The following SH3RF2 variants were observed in gnomAD, a reference collection of about 807,000 sequenced individuals.
SH3RF2 encodes the protein E3 ubiquitin-protein ligase SH3RF2.
In SH3RF2, 43 loss-of-function variants were observed where a neutral mutation model predicts 59.0. The ratio of observed to expected loss-of-function variants is 0.73; its 90% CI spans 0.57 to 0.94. SH3RF2 has a LOEUF of 0.94. SH3RF2 is among the 40% of genes least tolerant of loss of function. The pLI is 0.00. For synonymous variants in SH3RF2, 391 were observed against 391.5 expected, an observed-to-expected ratio of 1.00 and a Z score of 0.01; for missense variants, 930 against 940.1, an observed-to-expected ratio of 0.99 and a Z score of 0.14.
rs367573674 is a variant in SH3RF2, at chr5:146,049,228, C to T, written c.1305C>T (p.Tyr435=). 20 of 1,610,838 alleles carry T rather than the reference C, an allele frequency of 1.2e-5. No homozygotes were observed. Among genetic ancestry groups the T allele is most frequent in the East Asian group, 2.2e-5 (1 of 44,850 alleles). Residue 435 remains tyrosine (Y), a synonymous_variant, in exon 7 of 10, where the codon TAC becomes TAT. Coordinates refer to ENST00000359120, the MANE Select transcript of SH3RF2 (RefSeq NM_152550.4). ...TGRVGIFPNN[Y]VIPIFRKTSS... is the part of the protein sequence containing the mutation. ...GAGTCGGCATCTTCCCAAACAATTACGTCATCCCCATTTTCAGGTGTGTCG... is the reference window on the plus strand; with the variant it reads ...GAGTCGGCATCTTCCCAAACAATTATGTCATCCCCATTTTCAGGTGTGTCG...
chr5:145,943,924 A>G (rs1561702541), intron 2 of SH3RF2, among the ~76,000 whole-genome samples: 2 of 152,158 alleles, frequency 1.3e-5, no homozygotes, highest in South Asian at 4.1e-4. Context: ...ATTTCCCCTT[A>G]GGAAAAGTTG....
Position 146,047,854 on chromosome 5 carries a change from C to T in SH3RF2, c.1142C>T (p.Ser381Leu), listed in dbSNP as rs1432802258. 1 of 1,614,068 alleles carries T rather than the reference C, an allele frequency of 6.2e-7. No homozygotes were observed. Among genetic ancestry groups the T allele is most frequent in the Non-Finnish European group, 8.5e-7 (1 of 1,180,024 alleles). The change falls in exon 6 of 10, where the codon TCA becomes TTA. Residue 381 changes from serine to leucine, a missense_variant. Ser to Leu is a moderately radical substitution (Grantham distance 145). Coordinates refer to ENST00000359120, the MANE Select transcript of SH3RF2 (RefSeq NM_152550.4). ...CTGCCTGGCTCCCAGCAACACCTCT[C>T]AGCGAACATGTGAGTAAAAGGCTCA... is the stretch of plus-strand genomic sequence containing the variant. ...VSLPGSQQHL[S>L]ANMFVALHSY... is the part of the protein sequence containing the mutation.
intron 8 of SH3RF2, among the ~76,000 whole-genome samples, chr5:146,057,984 C>CTATATATATATATATATATA (rs751628879): frequency 2.7e-5 from 4 of 145,742 alleles, no homozygotes; most frequent in Admixed American, 2.0e-4. Context: ...ATCTATCTAT[C>CTATATATATATATATATATA]TATATATATA....
chr5:145,985,473 C>G (rs910127397), intron 2 of SH3RF2, among the ~76,000 whole-genome samples: 1 of 152,166 alleles, frequency 6.6e-6, no homozygotes, highest in Non-Finnish European at 1.5e-5. Context: ...ATTCCTCACA[C>G]GACAGCCTAT....
chr5:146,068,264 C>T (rs1393897159), downstream of SH3RF2, among the ~76,000 whole-genome samples: 1 of 152,228 alleles, frequency 6.6e-6, no homozygotes, highest in Non-Finnish European at 1.5e-5. Context: ...TTCTCACCCA[C>T]GTCTGACCAC....
chr5:145,971,228 ACT>A (rs1759069416), intron 2 of SH3RF2, among the ~76,000 whole-genome samples: 1 of 152,000 alleles, frequency 6.6e-6, no homozygotes, highest in African/African-American at 2.4e-5. Context: ...GGGCTTGGAA[ACT>A]CTTCCTACCT....
intron 2 of SH3RF2, among the ~76,000 whole-genome samples, chr5:145,957,394 C>T (rs572071413): frequency 5.3e-5 from 8 of 152,004 alleles, no homozygotes; most frequent in East Asian, 1.9e-4. Flanking sequence ...TGCAGAGAAG[C>T]GGATGAATTT....
chr5:146,064,274 GAC>G (rs1338903530), downstream of SH3RF2, among the ~76,000 whole-genome samples: 2 of 152,082 alleles, frequency 1.3e-5, no homozygotes, highest in East Asian at 3.9e-4. Context: ...TACATTCCCT[GAC>G]AGGGTGAGGA....
chr5:146,030,368 T>C (rs1761699023), intron 5 of SH3RF2, among the ~76,000 whole-genome samples: 1 of 152,186 alleles, frequency 6.6e-6, no homozygotes, highest in Admixed American at 6.5e-5. Context: ...CCTAAACAGA[T>C]TTGAACCAGA....
rs1256790185 is a variant in SH3RF2 at position 146,010,069 on chromosome 5, C to A, written c.745-3678C>A. ...ACAGGCCCCAGTGTGTGATGTTCCC[C>A]TTCCTGTGTCCAAGTGTTCTCATTG... On this transcript the variant is annotated intron_variant, in intron 4 of 9. Transcript: ENST00000359120. Among the ~76,000 whole-genome samples the A allele has an allele frequency of 9.9e-5, 15 of 152,162 alleles. 3 individuals carry two copies. The highest frequency in any genetic ancestry group is 3.6e-4 in the African/African-American group (15 of 41,508).
Position 145,954,823 on chromosome 5 carries a change from A to G in SH3RF2, c.378+16517A>G, listed in dbSNP as rs945141628. Among the ~76,000 whole-genome samples, 11 of 152,178 alleles carry G rather than the reference A, an allele frequency of 7.2e-5. No homozygotes were observed. In the East Asian group the frequency reaches 1.9e-3, roughly 27 times the overall value. On this transcript the variant is annotated intron_variant, in intron 2 of 9. Coordinates refer to ENST00000359120, the MANE Select transcript of SH3RF2 (RefSeq NM_152550.4). ...GAAGCTTACAATCATGGCAGAAGGCAAAGTAGGAACAGACATGTCACATAG... is the reference window on the plus strand; with the variant it reads ...GAAGCTTACAATCATGGCAGAAGGCGAAGTAGGAACAGACATGTCACATAG...
intron 4 of SH3RF2, among the ~76,000 whole-genome samples, chr5:146,008,430 C>T (rs1157075704): frequency 6.6e-6 from 1 of 152,098 alleles, no homozygotes; most frequent in Non-Finnish European, 1.5e-5. Context: ...ATATAAAGAA[C>T]TTTACTCATT....
chr5:145,998,702 G>A (rs1477128033), intron 2 of SH3RF2, among the ~76,000 whole-genome samples: 4 of 152,190 alleles, frequency 2.6e-5, no homozygotes, highest in Non-Finnish European at 4.4e-5. Context: ...CATGAGGTCA[G>A]GAGATCGAGA....
chr5:146,060,112 T>C lies in SH3RF2; in HGVS notation c.1802T>C (p.Ile601Thr). ...AWIHSAASSL[I>T]MEDKEIPIKS... ...ATCCACTCCGCGGCCAGCTCCCTCA[T>C]TATGGAAGACAAAGAAATCCCCATC... The change falls in exon 9 of 10, where the codon ATT (isoleucine) becomes ACT (threonine). Residue 601 changes from isoleucine (I) to threonine (T), a missense_variant. Physicochemically the swap from Ile to Thr is moderately conservative, Grantham distance 89. Transcript: ENST00000359120. The C allele has an allele frequency of 6.2e-7, 1 of 1,614,048 alleles. No homozygotes were observed. The highest frequency in any genetic ancestry group is 8.5e-7 in the Non-Finnish European group (1 of 1,179,976).
At chr5:145,954,147 T>A (rs1376658784) in intron 2 of SH3RF2, among the ~76,000 whole-genome samples, 4 of 152,208 alleles carry the variant, frequency 2.6e-5, no homozygotes, top group African/African-American at 4.8e-5. Context: ...CTTTCCACAA[T>A]GGTTGAACTC....
chr5:146,048,502 C>CAAA (rs771812194), intron 6 of SH3RF2, among the ~76,000 whole-genome samples: 3 of 151,968 alleles, frequency 2.0e-5, no homozygotes, highest in Non-Finnish European at 2.9e-5. Context: ...TAGTAAACAG[C>CAAA]AAAAAATAAA....
At chr5:146,049,387 T>C in intron 7 of SH3RF2, 142 bp downstream of exon 7, 1 of 925,842 alleles carries the variant, frequency 1.1e-6, no homozygotes, top group East Asian at 2.6e-5. Context: ...CCCGCCTATC[T>C]CTTTTAAAAC....
intron 5 of SH3RF2, among the ~76,000 whole-genome samples, chr5:146,044,974 T>C (rs1376269073): frequency 1.3e-5 from 2 of 152,228 alleles, no homozygotes; most frequent in East Asian, 1.9e-4. Context: ...CCTAGTGTAA[T>C]GAAAAGATGG....
At chr5:145,998,576 A>C (rs1760262854) in intron 2 of SH3RF2, among the ~76,000 whole-genome samples, 1 of 152,212 alleles carries the variant, frequency 6.6e-6, no homozygotes, top group Non-Finnish European at 1.5e-5. Context: ...AGCTAATACC[A>C]TAATAAAGCA....
Sources: allele counts gnomAD v4.1 joint callset (sites outside exome capture counted in the v4.1 genomes callset), GRCh38; gene constraint gnomAD v4.1.1; transcripts MANE v1.5; gene names NCBI Gene and HGNC (gene_info 2026-07-23, HGNC 2026-07-21).